The following HPSE2 variants were observed in gnomAD, a reference collection of about 807,000 sequenced individuals.
HPSE2 encodes heparanase 2 (inactive).
Under a neutral mutation model 60.5 loss-of-function variants are expected in HPSE2, and 38 were observed. The ratio of observed to expected loss-of-function variants is 0.63; its 90% CI spans 0.48 to 0.82. The LOEUF (loss-of-function observed/expected upper bound fraction) is 0.82. HPSE2 is among the 40% of genes least tolerant of loss of function. The probability of loss-of-function intolerance (pLI) is 0.00; values close to 1 mark genes in which losing one functional copy is unlikely to be tolerated. For synonymous variants in HPSE2, 295 were observed against 293.2 expected (o/e 1.01, Z -0.06); for missense variants, 713 against 740.4 (o/e 0.96, Z 0.43).
At chr10:98,606,000 A>G (rs1412426532) in intron 9 of HPSE2, among the ~76,000 whole-genome samples, 1 of 152,134 alleles carries the variant, frequency 6.6e-6, no homozygotes, top group Non-Finnish European at 1.5e-5. Context: ...TCATTATTCA[A>G]CTTAGCAACT....
chr10:99,234,129 AGAGCTTTCGAAGAG>A lies in HPSE2; in HGVS notation c.290+1370_290+1383del, dbSNP rs1849759841. The stretch of plus-strand genomic sequence containing the variant: ...TCATAGACGCGCTCTGCTGCACGAA[AGAGCTTTCGAAGAG>A]GAAGCTGGGCCGCGCGGAGCTGGCT... On this transcript the variant is annotated intron_variant, in intron 1 of 11. Transcript: ENST00000370552. Among the ~76,000 whole-genome samples the A allele has an allele frequency of 2.0e-5, 3 of 152,214 alleles. No homozygotes were observed. The South Asian group carries it at 6.2e-4, about 31-fold the overall frequency.
chr10:98,465,961 G>A (rs1366589740), intron 11 of HPSE2, among the ~76,000 whole-genome samples: 1 of 152,206 alleles, frequency 6.6e-6, no homozygotes, highest in East Asian at 1.9e-4. Flanking sequence ...GATTCAAAGT[G>A]TCAGTTTGGA....
the HPSE2 span, among the ~76,000 whole-genome samples, chr10:99,287,459 A>T: frequency 5.3e-4 from 80 of 152,134 alleles, no homozygotes; most frequent in African/African-American, 1.9e-3. Flanking sequence ...AACCTAGTAA[A>T]CCAGCTGAGC....
intron 3 of HPSE2, among the ~76,000 whole-genome samples, chr10:99,032,247 T>C (rs1055983777): frequency 1.6e-4 from 25 of 152,244 alleles, no homozygotes; most frequent in African/African-American, 5.8e-4. Flanking sequence ...ATGTCTTCAA[T>C]TGGCAATTAC....
intron 2 of HPSE2, among the ~76,000 whole-genome samples, chr10:99,154,670 G>A (rs544956456): frequency 3.1e-4 from 47 of 151,520 alleles, no homozygotes; most frequent in African/African-American, 9.4e-4. Flanking sequence ...AAAGACCATC[G>A]AAACTAGGAA....
chr10:98,641,125 T>C (rs1946626818), intron 7 of HPSE2, among the ~76,000 whole-genome samples: 1 of 152,158 alleles, frequency 6.6e-6, no homozygotes, highest in Non-Finnish European at 1.5e-5. Context: ...TAAATATGGC[T>C]CAGAATTGCC....
chr10:98,769,723 T>C (rs1351686206), intron 3 of HPSE2, among the ~76,000 whole-genome samples: 2 of 152,124 alleles, frequency 1.3e-5, no homozygotes, highest in Non-Finnish European at 2.9e-5. Context: ...CAAATATTTG[T>C]TGGCACTGAA....
chr10:98,967,768 C>A (rs1317956365), intron 3 of HPSE2, among the ~76,000 whole-genome samples: 1 of 152,036 alleles, frequency 6.6e-6, no homozygotes, highest in Non-Finnish European at 1.5e-5. Flanking sequence ...ACTAGTGACC[C>A]CAAACTGCCA....
chr10:98,599,652 C>G, intron 9 of HPSE2, among the ~76,000 whole-genome samples: 1 of 152,174 alleles, frequency 6.6e-6, no homozygotes, highest in Non-Finnish European at 1.5e-5. Context: ...TGCAGGGTAT[C>G]TCTTTCAATG....
the HPSE2 span, among the ~76,000 whole-genome samples, chr10:99,304,799 A>C: frequency 6.6e-6 from 1 of 152,252 alleles, no homozygotes; most frequent in Non-Finnish European, 1.5e-5. Context: ...AATGCTGCTT[A>C]CAGACAGAAA....
chr10:98,524,863 A>G (rs1476615388), intron 9 of HPSE2, among the ~76,000 whole-genome samples: 1 of 152,248 alleles, frequency 6.6e-6, no homozygotes, highest in African/African-American at 2.4e-5. Context: ...CACAATATAA[A>G]GATGAATGGT....
At chr10:99,221,351 A>G (rs1849308291) in intron 2 of HPSE2, among the ~76,000 whole-genome samples, 1 of 152,214 alleles carries the variant, frequency 6.6e-6, no homozygotes, top group Admixed American at 6.5e-5. Flanking sequence ...CTGAAGAGCT[A>G]CTACATAAAA....
At chr10:98,878,189 C>A (rs1436929743) in intron 3 of HPSE2, among the ~76,000 whole-genome samples, 1 of 151,958 alleles carries the variant, frequency 6.6e-6, no homozygotes, top group African/African-American at 2.4e-5. Context: ...GAAAAACAAA[C>A]TTCTCCAACG....
At chr10:98,481,132 G>A (rs1941218649) in intron 11 of HPSE2, among the ~76,000 whole-genome samples, 1 of 152,116 alleles carries the variant, frequency 6.6e-6, no homozygotes, top group African/African-American at 2.4e-5. Context: ...GGTTCCAGAG[G>A]ACCCTAACCA....
At chr10:98,567,283 T>C (rs1446217927) in intron 9 of HPSE2, among the ~76,000 whole-genome samples, 4 of 152,166 alleles carry the variant, frequency 2.6e-5, no homozygotes, top group East Asian at 3.9e-4. Context: ...CTGAACCAGA[T>C]GGTTGGGTGA....
the HPSE2 span, among the ~76,000 whole-genome samples, chr10:99,266,775 G>C: frequency 6.6e-6 from 1 of 152,146 alleles, no homozygotes; most frequent in Non-Finnish European, 1.5e-5. Context: ...TAACAAAGCA[G>C]GTGCTACTAC....
intron 9 of HPSE2, among the ~76,000 whole-genome samples, chr10:98,609,450 A>G (rs967777691): frequency 1.3e-5 from 2 of 152,232 alleles, no homozygotes; most frequent in Admixed American, 6.5e-5. Context: ...GGCCTTCTTT[A>G]AGATCTTAAA....
At chr10:99,232,324 A>G in intron 2 of HPSE2, 24 bp downstream of exon 2, 1 of 1,551,150 alleles carries the variant, frequency 6.4e-7, no homozygotes, top group Non-Finnish European at 8.7e-7. Context: ...TCCCCAAATA[A>G]AGAATGGTAA....
chr10:98,620,379 T>G (rs890984623), intron 8 of HPSE2, among the ~76,000 whole-genome samples: 1 of 152,258 alleles, frequency 6.6e-6, no homozygotes, highest in Non-Finnish European at 1.5e-5. Context: ...CTGTTACTAC[T>G]ATTACTATAA....
Sources: allele counts gnomAD v4.1 joint callset (sites outside exome capture counted in the v4.1 genomes callset), GRCh38; gene constraint gnomAD v4.1.1; transcripts MANE v1.5; gene names NCBI Gene and HGNC (gene_info 2026-07-23, HGNC 2026-07-21).